C3: variants seen among roughly 807,000 people sequenced by gnomAD.
C3 encodes C3 and PZP-like alpha-2-macroglobulin domain-containing protein 1.
In C3, 97 loss-of-function variants were observed where a neutral mutation model predicts 207.9. The ratio of observed to expected loss-of-function variants is 0.47; its 90% CI spans 0.40 to 0.55. The LOEUF (loss-of-function observed/expected upper bound fraction) is 0.55. Ranked by LOEUF, C3 falls within the 20% of genes least tolerant of loss-of-function variation. The probability of loss-of-function intolerance (pLI) is 0.00; values close to 1 mark genes in which losing one functional copy is unlikely to be tolerated. For missense variants in C3, 1,684 were observed against 2,171.7 expected (o/e 0.78, Z 4.46); for synonymous variants, 848 against 857.6 (o/e 0.99, Z 0.20).
intron 33 of C3, 89 bp from the exon 34 acceptor site, chr19:6,682,318 T>C: frequency 2.2e-6 from 2 of 911,598 alleles, no homozygotes; most frequent in Non-Finnish European, 3.7e-6. Context: ...GATCAGGCAC[T>C]GAGACTTCTG....
rs780264809 is a variant in C3, at chr19:6,693,026, G to A, written c.3288C>T (p.Asp1096=). ...TAACAGCCCCGCAGAGGACTTGGGAGTCGATGGCGATGAGGTTGACAGCCA... is the reference window on the plus strand; with the variant it reads ...TAACAGCCCCGCAGAGGACTTGGGAATCGATGGCGATGAGGTTGACAGCCA... ...FSLAVNLIAI[D]SQVLCGAVKW... Residue 1096 remains aspartate (D), a synonymous_variant, in exon 26 of 41, where the codon GAC becomes GAT. Transcript: ENST00000245907. 71 of 1,614,046 alleles carry A rather than the reference G, an allele frequency of 4.4e-5. No homozygotes were observed. The highest frequency in any genetic ancestry group is 5.8e-5 in the Non-Finnish European group (69 of 1,180,032).
chr19:6,685,646 CT>C (rs1414904882), intron 29 of C3, among the ~76,000 whole-genome samples: 1 of 152,152 alleles, frequency 6.6e-6, no homozygotes, highest in Non-Finnish European at 1.5e-5. Context: ...TTGCTGAAGC[CT>C]GAAGTTACTG....
intron 27 of C3, among the ~76,000 whole-genome samples, chr19:6,687,909 T>TG (rs1918050474): frequency 4.6e-5 from 7 of 150,750 alleles, no homozygotes; most frequent in Admixed American, 4.6e-4. Context: ...CACGCTGGAG[T>TG]GCAGTGGCGC....
At chr19:6,691,989 AACACACACACACACACAC>A (rs57940862) in intron 26 of C3, among the ~76,000 whole-genome samples, 229 of 136,934 alleles carry the variant, frequency 1.7e-3, no homozygotes, top group African/African-American at 5.8e-3. Context: ...CTCCATCTCA[AACACACACACACACACAC>A]ACACACACAC....
At chr19:6,695,923 TTTTA>T (rs1020902731) in intron 23 of C3, among the ~76,000 whole-genome samples, 1 of 151,960 alleles carries the variant, frequency 6.6e-6, no homozygotes, top group Admixed American at 6.6e-5. Flanking sequence ...TTAAAAAAAT[TTTTA>T]GGCCGGGCAT....
chr19:6,702,038 T>TA lies in C3; in HGVS notation c.2440+88dup, dbSNP rs1265462868. The TA allele has an allele frequency of 2.4e-5, 19 of 788,276 alleles. No homozygotes were observed. In the East Asian group the frequency reaches 4.6e-4, roughly 19 times the overall value. The allele number at this position is 788,276 out of a possible 1,614,324, so 48.8% of individuals were successfully genotyped here. ...GCAGAGAATAAAGTGCCAAGAAACA[T>TA]AGGGTTGATTGAGTTTGGATAAAAT... On this transcript the variant is annotated intron_variant, in intron 19 of 40. Transcript: ENST00000245907.
chr19:6,693,145 A>C, intron 25 of C3, 62 bp from the exon 26 acceptor site: 8 of 1,583,766 alleles, frequency 5.1e-6, no homozygotes, highest in Non-Finnish European at 6.9e-6. Context: ...CATGTCAACC[A>C]GCCAATGAGC....
In C3 at chr19:6,686,900, G is replaced by A. The variant is rs758776970; in HGVS notation, c.3492C>T (p.Ser1164=). 1 of 1,614,120 alleles carries A rather than the reference G, an allele frequency of 6.2e-7. No individual in the cohort carries two copies. The highest frequency in any genetic ancestry group is 1.1e-5 in the South Asian group (1 of 91,084). The part of the protein sequence containing the change: ...AKDICEEQVN[S]LPGSITKAGD... ...CTGCTTTAGTGATGCTGCCTGGCAG[G>A]CTCTATGAGAAAGAGGATCAGATTC... The change falls in exon 28 of 41, where the codon AGC becomes AGT. Residue 1164 remains serine, a splice_region_variant and synonymous_variant. Transcript: ENST00000245907.
At chr19:6,696,743 T>G in intron 21 of C3, 84 bp from the exon 22 acceptor site, 1 of 1,349,654 alleles carries the variant, frequency 7.4e-7, no homozygotes, top group Non-Finnish European at 1.1e-6. Flanking sequence ...GCACTGTCCT[T>G]AGGATCACCC....
At position 6,719,088 on chromosome 19, in the gene C3, G is replaced by A; in HGVS notation, c.267+123C>T. 1.1e-6 allele frequency: 1 copy of A among 869,794 alleles called. No homozygotes were observed. The highest frequency in any genetic ancestry group is 1.9e-6 in the Non-Finnish European group (1 of 517,200). 53.9% of individuals were successfully genotyped at this position (869,794 alleles called of 1,614,324 possible). ...TAGAAGGAGAGGCGACTCCGAAGGG[G>A]TGGAGTCTCAGGGAAGGGCAGGGCT... On this transcript the variant is annotated intron_variant, in intron 2 of 40. Coordinates refer to ENST00000245907, the MANE Select transcript of C3 (RefSeq NM_000064.4). This position sits in a 1 kb window ranked among gnomAD's most constrained non-coding sequence, Gnocchi z 5.4.
Position 6,717,566 on chromosome 19 carries a change from TGTG to T in C3, c.504+525_504+527del, listed in dbSNP as rs201403793. On this transcript the variant is annotated intron_variant, in intron 4 of 40. Transcript: ENST00000245907. ...GTGGTTGTGTATGTTGTGTGTGTGTTGTGTTTTGTGTGTGTTGTGTGTGTTGTG... is the reference window on the plus strand; with the variant it reads ...GTGGTTGTGTATGTTGTGTGTGTGTTTTTTGTGTGTGTTGTGTGTGTTGTG... 31 of 242,746 alleles carry T rather than the reference TGTG, an allele frequency of 1.3e-4. No homozygotes were observed. In the East Asian group the frequency reaches 3.0e-3, roughly 23 times the overall value. 15.0% of individuals were successfully genotyped at this position (242,746 alleles called of 1,614,324 possible).
intron 27 of C3, among the ~76,000 whole-genome samples, chr19:6,689,369 C>T (rs1412257058): frequency 7.7e-6 from 1 of 129,752 alleles, no homozygotes; most frequent in Non-Finnish European, 1.6e-5. Flanking sequence ...CCCTCTCTCT[C>T]TCTCTCTCTC....
At chr19:6,678,046 AG>A in intron 40 of C3, 23 bp from the exon 41 acceptor site, 2 of 1,614,126 alleles carry the variant, frequency 1.2e-6, no homozygotes, top group South Asian at 1.1e-5. Flanking sequence ...ATGGCAGGTC[AG>A]GAAGGGGCGT....
intron 39 of C3, 34 bp from the exon 40 acceptor site, chr19:6,678,321 G>A (rs1161027671): frequency 1.9e-6 from 3 of 1,614,072 alleles, no homozygotes; most frequent in Non-Finnish European, 2.5e-6. Flanking sequence ...AAGCTGAGTC[G>A]TGGGGAGGAA....
At chr19:6,705,902 G>C (rs1190384743) in intron 17 of C3, among the ~76,000 whole-genome samples, 1 of 151,452 alleles carries the variant, frequency 6.6e-6, no homozygotes, top group Non-Finnish European at 1.5e-5. Flanking sequence ...TTGAACTCCT[G>C]ACCTCAAGTG....
chr19:6,717,783 TTGTGTGTTGTGTTG>T, intron 4 of C3: 2 of 522,466 alleles, frequency 3.8e-6, no homozygotes, highest in Non-Finnish European at 7.0e-6. Flanking sequence ...GTGTATTGTG[TTGTGTGTTGTGTTG>T]TGTGTGTTGT....
chr19:6,678,205 C>T lies in C3; in HGVS notation c.4797G>A (p.Lys1599=), dbSNP rs760061513. The T allele has an allele frequency of 6.2e-7, 1 of 1,614,202 alleles. No individual in the cohort carries two copies. Among genetic ancestry groups the T allele is most frequent in the East Asian group, 2.2e-5 (1 of 44,878 alleles). The part of the protein sequence containing the change: ...KCREALKLEE[K]KHYLMWGLSS... Reference sequence around the variant, plus strand: ...AGAGACCCCACATGAGGTAGTGTTTCTTCTCCTCCAGCTTCAGGGCTTCTC... The same window carrying T: ...AGAGACCCCACATGAGGTAGTGTTTTTTCTCCTCCAGCTTCAGGGCTTCTC... The change falls in exon 40 of 41, where the codon AAG becomes AAA. Residue 1599 remains lysine, a synonymous_variant. Transcript: ENST00000245907.
intron 33 of C3, 194 bp downstream of exon 33, chr19:6,684,194 G>T: frequency 1.5e-6 from 1 of 683,400 alleles, no homozygotes; most frequent in East Asian, 2.6e-5. Context: ...CAGCTTACGT[G>T]GTCATTGCTG....
intron 17 of C3, among the ~76,000 whole-genome samples, chr19:6,706,843 C>T (rs1967786817): frequency 7.0e-6 from 1 of 143,836 alleles, no homozygotes; most frequent in African/African-American, 2.9e-5. Context: ...CCTCCCTCCT[C>T]AGACAGGGAC....
Sources: gnomAD v4.1 joint callset for allele counts (sites outside exome capture counted in the v4.1 genomes callset) on GRCh38, gnomAD v4.1.1 for gene constraint, Gnocchi (gnomAD v3.1) non-coding constraint, MANE v1.5 for transcripts, NCBI Gene and HGNC (gene_info 2026-07-23, HGNC 2026-07-21) for gene names.